Variants in GARNL3 observed in about 807,000 individuals in gnomAD.
GARNL3 encodes the protein GTPase activating Rap/RanGAP domain like 3, also known as GTPase-activating Rap/Ran-GAP domain-like protein 3.
GARNL3 carries 63 observed loss-of-function variants against 125.0 expected under a neutral mutation model. The observed-to-expected ratio is 0.50, with a 90% confidence interval of 0.41 to 0.62. The LOEUF is 0.62. Ranked by LOEUF, GARNL3 falls within the 20% of genes least tolerant of loss-of-function variation. The pLI is 0.00. For synonymous variants in GARNL3, 439 were observed against 457.5 expected, an observed-to-expected ratio of 0.96 and a Z score of 0.52; for missense variants, 994 against 1,244.0, an observed-to-expected ratio of 0.80 and a Z score of 3.02.
chr9:127,369,157 T>C (rs1831467951), intron 22 of GARNL3: 1 of 149,432 alleles, frequency 6.7e-6, no homozygotes, highest in African/African-American at 2.5e-5. Flanking sequence ...AATTTGCTGA[T>C]TAATCAAATT....
intron 1 of GARNL3, among the ~76,000 whole-genome samples, chr9:127,238,006 G>A (rs1378087406): frequency 3.3e-5 from 5 of 152,106 alleles, no homozygotes; most frequent in Non-Finnish European, 7.4e-5. Context: ...AGTGGAGCAG[G>A]TTTCCCATCC....
chr9:127,254,550 C>T (rs1025288193), intron 2 of GARNL3, among the ~76,000 whole-genome samples: 2 of 152,126 alleles, frequency 1.3e-5, no homozygotes, highest in Non-Finnish European at 2.9e-5. Flanking sequence ...AGGCGGATCA[C>T]TTGAGATCAG....
chr9:127,289,468 C>T (rs2064349005), intron 1 of GARNL3, among the ~76,000 whole-genome samples: 1 of 152,230 alleles, frequency 6.6e-6, no homozygotes. Flanking sequence ...GAGTTGTAGA[C>T]AGCATTAACT....
rs767897607 is a variant in GARNL3, at chr9:127,353,831, G to T, written c.1544-15G>T. On this transcript the variant is annotated splice_polypyrimidine_tract_variant and intron_variant, in intron 17 of 27. Transcript: ENST00000373387. ...GCTGGGTTGCAGTGATGGGTAACCA[G>T]GTTTCCTTTTCCAGATGACCTTCCA... The T allele has an allele frequency of 6.3e-7, 1 of 1,581,244 alleles. No individual in the cohort carries two copies. Among genetic ancestry groups the T allele is most frequent in the African/African-American group, 1.3e-5 (1 of 74,206 alleles).
intron 1 of GARNL3, among the ~76,000 whole-genome samples, chr9:127,231,041 TATATATATA>T (rs1204001195): frequency 1.3e-4 from 6 of 47,324 alleles, no homozygotes; most frequent in Non-Finnish European, 2.2e-4. Context: ...TATACATATA[TATATATATA>T]TTTTTTTTTT....
At chr9:127,361,199 A>G (rs2131701874) in intron 21 of GARNL3, among the ~76,000 whole-genome samples, 1 of 152,244 alleles carries the variant, frequency 6.6e-6, no homozygotes, top group East Asian at 1.9e-4. Flanking sequence ...AATTTTTACA[A>G]CCACCATACA....
upstream of GARNL3, among the ~76,000 whole-genome samples, chr9:127,262,171 A>T (rs2131253355): frequency 6.6e-6 from 1 of 152,332 alleles, no homozygotes; most frequent in South Asian, 2.1e-4. Flanking sequence ...CCCCACTGCA[A>T]GATACCTACT....
At chr9:127,369,787 G>A (rs1424599711) in intron 22 of GARNL3, among the ~76,000 whole-genome samples, 2 of 152,310 alleles carry the variant, frequency 1.3e-5, no homozygotes, top group Non-Finnish European at 2.9e-5. Context: ...TACAGGAAGG[G>A]TCTTTTTGTT....
chr9:127,372,162 T>C (rs1831647089), intron 22 of GARNL3, among the ~76,000 whole-genome samples: 1 of 152,216 alleles, frequency 6.6e-6, no homozygotes. Flanking sequence ...TTCAAAGCAT[T>C]CACTCATTTA....
intron 1 of GARNL3, among the ~76,000 whole-genome samples, chr9:127,227,932 C>T (rs1267987060): frequency 6.6e-6 from 1 of 152,064 alleles, no homozygotes; most frequent in Non-Finnish European, 1.5e-5. Flanking sequence ...TAAAATAAAA[C>T]AAAACTAATT....
intron 1 of GARNL3, among the ~76,000 whole-genome samples, chr9:127,276,464 C>A (rs1427718810): frequency 6.6e-6 from 1 of 151,892 alleles, no homozygotes; most frequent in Non-Finnish European, 1.5e-5. Flanking sequence ...ATTGTTCTTA[C>A]TATATATGCT....
chr9:127,309,370 A>G (rs893162833), intron 2 of GARNL3, among the ~76,000 whole-genome samples: 1 of 152,206 alleles, frequency 6.6e-6, no homozygotes, highest in Admixed American at 6.5e-5. Context: ...GGTTCTGGAG[A>G]TAATGCATAT....
intron 11 of GARNL3, among the ~76,000 whole-genome samples, chr9:127,337,623 T>C (rs1370378338): frequency 6.6e-6 from 1 of 152,176 alleles, no homozygotes; most frequent in East Asian, 1.9e-4. Flanking sequence ...TAGATTCTGC[T>C]CAGAATCTGC....
chr9:127,380,077 G>T (rs994174994), intron 22 of GARNL3, among the ~76,000 whole-genome samples: 2 of 152,110 alleles, frequency 1.3e-5, no homozygotes, highest in Non-Finnish European at 2.9e-5. Flanking sequence ...TACTCGGGAG[G>T]CTGAGGCAGG....
chr9:127,378,327 C>T (rs1452075297), intron 22 of GARNL3, among the ~76,000 whole-genome samples: 2 of 151,926 alleles, frequency 1.3e-5, no homozygotes, highest in East Asian at 3.9e-4. Context: ...CATGGTCACG[C>T]CTGTAATCCC....
chr9:127,264,414 C>T, upstream of GARNL3: 1 of 632,730 alleles, frequency 1.6e-6, no homozygotes, highest in Non-Finnish European at 2.0e-6. Flanking sequence ...CATATTGCCA[C>T]ATAAAAATCC....
chr9:127,369,334 C>A (rs970915751), intron 22 of GARNL3, among the ~76,000 whole-genome samples: 2 of 152,174 alleles, frequency 1.3e-5, no homozygotes, highest in Non-Finnish European at 2.9e-5. Context: ...CTTCCTGTAC[C>A]CCCGTGGAGA....
At chr9:127,383,615 A>G (rs1832388620) in intron 23 of GARNL3, 70 bp downstream of exon 23, 6 of 976,194 alleles carry the variant, frequency 6.1e-6, no homozygotes, top group East Asian at 5.0e-5. Context: ...AGCAAATCCT[A>G]TGTAAGCAAA....
At chr9:127,343,499 A>G (rs1386762068) in intron 14 of GARNL3, among the ~76,000 whole-genome samples, 1 of 152,194 alleles carries the variant, frequency 6.6e-6, no homozygotes, top group Non-Finnish European at 1.5e-5. Flanking sequence ...CTTCCCCTTC[A>G]TAGCAGTGAT....
Sources: gnomAD v4.1 joint callset for allele counts (sites outside exome capture counted in the v4.1 genomes callset) on GRCh38, gnomAD v4.1.1 for gene constraint, MANE v1.5 for transcripts, NCBI Gene and HGNC (gene_info 2026-07-23, HGNC 2026-07-21) for gene names.